EFCAB11: variants seen among roughly 807,000 people sequenced by gnomAD.
The protein encoded by EFCAB11 is EF-hand calcium-binding domain-containing protein 11.
EFCAB11 carries 14 observed loss-of-function variants against 23.0 expected under a neutral mutation model. The ratio of observed to expected loss-of-function variants is 0.61; its 90% CI spans 0.40 to 0.95. The LOEUF is 0.95. Ranked by LOEUF, EFCAB11 falls within the 40% of genes least tolerant of loss-of-function variation. EFCAB11 has a pLI of 0.00. For missense variants in EFCAB11, 198 were observed against 195.8 expected, an observed-to-expected ratio of 1.01 and a Z score of -0.07; for synonymous variants, 65 against 66.6, an observed-to-expected ratio of 0.98 and a Z score of 0.11.
Position 89,795,810 on chromosome 14 carries a change from G to A in EFCAB11, c.*1433C>T, listed in dbSNP as rs967332651. 7.9e-5 allele frequency: 12 copies of A among 152,150 alleles called. No homozygotes were observed. The highest frequency in any genetic ancestry group is 2.4e-5 in the African/African-American group (1 of 41,426). 9.4% of individuals were successfully genotyped at this position (152,150 alleles called of 1,614,324 possible). ...ACTTAAAAAGTGAATTATATTAAAA[G>A]TTCTTTGACTAATGTTCATGTTATG... On this transcript the variant is annotated 3_prime_UTR_variant, in exon 6 of 6. Transcript: ENST00000316738.
chr14:89,892,217 G>C, intron 5 of EFCAB11: 9 of 1,603,748 alleles, frequency 5.6e-6, no homozygotes, highest in Non-Finnish European at 7.7e-6. Flanking sequence ...AGCCCAGGAG[G>C]CCGAGGAGCT....
chr14:89,933,285 C>A (rs117387090), intron 3 of EFCAB11, among the ~76,000 whole-genome samples: 6 of 152,138 alleles, frequency 3.9e-5, no homozygotes, highest in African/African-American at 1.4e-4. Context: ...TCTATTAAAA[C>A]GAATTCTAAT....
intron 5 of EFCAB11, among the ~76,000 whole-genome samples, chr14:89,817,412 T>A (rs1166542033): frequency 2.0e-5 from 3 of 152,062 alleles, no homozygotes; most frequent in Admixed American, 1.3e-4. Flanking sequence ...TCCTAGCTAT[T>A]CAGAAGGCTG....
At chr14:89,939,857 G>A (rs554899223) in intron 3 of EFCAB11, among the ~76,000 whole-genome samples, 44 of 152,264 alleles carry the variant, frequency 2.9e-4, no homozygotes, top group South Asian at 6.2e-4. Context: ...TCCTGCCTCA[G>A]CCTCTGGAGT....
At chr14:89,950,294 T>C (rs185838055) in intron 2 of EFCAB11, 152 bp from the exon 3 acceptor site, 175 of 779,966 alleles carry the variant, frequency 2.2e-4, no homozygotes, top group Middle Eastern at 2.1e-3. Context: ...ATAGCTATAA[T>C]AGTCATTTTA....
At chr14:89,942,253 A>G (rs1161921529) in intron 3 of EFCAB11, among the ~76,000 whole-genome samples, 5 of 152,342 alleles carry the variant, frequency 3.3e-5, no homozygotes, top group South Asian at 2.1e-4. Context: ...GATAATCATA[A>G]TATCATAGTT....
chr14:89,913,159 C>G (rs1461870839), intron 5 of EFCAB11, among the ~76,000 whole-genome samples: 3 of 152,230 alleles, frequency 2.0e-5, no homozygotes, highest in African/African-American at 4.8e-5. Flanking sequence ...GAGAACTGCA[C>G]ATGACAGGCC....
chr14:89,915,837 TAA>T lies in EFCAB11; in HGVS notation c.410+15702_410+15703del, dbSNP rs1451026486. On this transcript the variant is annotated intron_variant, in intron 5 of 5. Coordinates refer to ENST00000316738, the MANE Select transcript of EFCAB11 (RefSeq NM_145231.4). ...ACTATGCTAGCCTACAGTGTTTATA[TAA>T]GACATTAATTTAACCGGAAATAAAA... 2.0e-5 allele frequency among the ~76,000 whole-genome samples: 3 copies of T among 152,232 alleles called. No homozygotes were observed. The East Asian group carries it at 5.8e-4, about 29-fold the overall frequency.
chr14:89,812,868 G>T (rs751402977), intron 5 of EFCAB11, among the ~76,000 whole-genome samples: 1 of 152,016 alleles, frequency 6.6e-6, no homozygotes, highest in Non-Finnish European at 1.5e-5. Flanking sequence ...AGCAATTGAA[G>T]AAATTGTGAA....
intron 3 of EFCAB11, 72 bp from the exon 4 acceptor site, chr14:89,932,699 G>T: frequency 8.6e-7 from 1 of 1,167,920 alleles, no homozygotes; most frequent in Non-Finnish European, 1.3e-6. Context: ...AAACAGAAAT[G>T]GACAGTAATA....
At chr14:89,825,190 A>G (rs922610515) in intron 5 of EFCAB11, among the ~76,000 whole-genome samples, 1 of 152,086 alleles carries the variant, frequency 6.6e-6, no homozygotes, top group Non-Finnish European at 1.5e-5. Context: ...TAACCAAAAA[A>G]TTGGGAGAAC....
At chr14:89,875,489 T>A (rs1011594352) in intron 5 of EFCAB11, among the ~76,000 whole-genome samples, 2 of 151,942 alleles carry the variant, frequency 1.3e-5, no homozygotes, top group Admixed American at 6.6e-5. Flanking sequence ...TGGAAAAAAA[T>A]GGAGACAGAT....
chr14:89,936,073 G>A (rs1270254408), intron 3 of EFCAB11, among the ~76,000 whole-genome samples: 1 of 149,394 alleles, frequency 6.7e-6, no homozygotes, highest in Non-Finnish European at 1.5e-5. Flanking sequence ...ATGCCAAAAA[G>A]TAGGTCTCTT....
At chr14:89,841,445 C>T (rs924063099) in intron 5 of EFCAB11, among the ~76,000 whole-genome samples, 2 of 151,654 alleles carry the variant, frequency 1.3e-5, no homozygotes, top group African/African-American at 4.9e-5. Flanking sequence ...TCTCTTCTTC[C>T]CCGCCGCACC....
chr14:89,830,312 C>T (rs1164657184), intron 5 of EFCAB11: 1 of 152,094 alleles, frequency 6.6e-6, no homozygotes, highest in African/African-American at 2.4e-5. Context: ...CTTACAAGTG[C>T]AATAGCCTAT....
At chr14:89,856,192 C>CT (rs71107567) in intron 5 of EFCAB11, among the ~76,000 whole-genome samples, 85,302 of 136,348 alleles carry the variant, frequency 0.63, 27,460 homozygotes, top group Non-Finnish European at 0.74. Flanking sequence ...CTCTCTCTCT[C>CT]TTTTTTTTTT....
chr14:89,865,006 A>G (rs1243805363), intron 5 of EFCAB11, among the ~76,000 whole-genome samples: 1 of 152,188 alleles, frequency 6.6e-6, no homozygotes, highest in Admixed American at 6.5e-5. Flanking sequence ...ACAACCTTAG[A>G]GAGAAGCCAA....
At chr14:89,942,570 C>T (rs900712703) in intron 3 of EFCAB11, among the ~76,000 whole-genome samples, 10 of 152,100 alleles carry the variant, frequency 6.6e-5, no homozygotes, top group African/African-American at 2.4e-4. Flanking sequence ...TAATGAAACC[C>T]TCTGAAAGAG....
intron 5 of EFCAB11, among the ~76,000 whole-genome samples, chr14:89,913,820 T>A (rs972253535): frequency 2.0e-5 from 3 of 152,186 alleles, no homozygotes; most frequent in South Asian, 2.1e-4. Flanking sequence ...AATAATATTT[T>A]AAAAAATATT....
Sources: allele counts gnomAD v4.1 joint callset (sites outside exome capture counted in the v4.1 genomes callset), GRCh38; gene constraint gnomAD v4.1.1; transcripts MANE v1.5; gene names NCBI Gene and HGNC (gene_info 2026-07-23, HGNC 2026-07-21).